The following HAT1 variants were observed in gnomAD, a reference collection of about 807,000 sequenced individuals.
The protein encoded by HAT1 is histone acetyltransferase type B catalytic subunit.
HAT1 carries 20 observed loss-of-function variants against 56.6 expected under a neutral mutation model. The observed-to-expected ratio is 0.35, with a 90% CI of 0.25 to 0.51. HAT1 has a LOEUF of 0.51. HAT1 is among the 20% of genes least tolerant of loss of function. The pLI, the probability that HAT1 is intolerant of heterozygous loss-of-function variation, is 0.95. For missense variants in HAT1, 408 were observed against 504.3 expected (o/e 0.81, Z 1.83); for synonymous variants, 146 against 165.5 (o/e 0.88, Z 0.91).
chr2:171,955,155 C>T (rs886830781), intron 4 of HAT1, among the ~76,000 whole-genome samples: 1 of 152,090 alleles, frequency 6.6e-6, no homozygotes, highest in African/African-American at 2.4e-5. Flanking sequence ...CCACAGGAAA[C>T]GAATACAGGT....
At chr2:171,977,754 G>A (rs564857701) in intron 9 of HAT1, among the ~76,000 whole-genome samples, 2 of 150,910 alleles carry the variant, frequency 1.3e-5, no homozygotes, top group South Asian at 4.2e-4. Flanking sequence ...TCCCAACTCT[G>A]CCACATCCTT....
At chr2:171,971,051 T>G (rs1476698114) in intron 8 of HAT1, among the ~76,000 whole-genome samples, 1 of 151,730 alleles carries the variant, frequency 6.6e-6, no homozygotes, top group Non-Finnish European at 1.5e-5. Context: ...ATAAAAAAAT[T>G]AGCCAGGCGT....
At chr2:171,933,429 C>A (rs575199791) in intron 2 of HAT1, among the ~76,000 whole-genome samples, 1 of 151,680 alleles carries the variant, frequency 6.6e-6, no homozygotes, top group South Asian at 2.1e-4. Flanking sequence ...CTTTCCTTTT[C>A]TAATACTAGC....
chr2:171,971,956 C>A (rs1687824989), intron 8 of HAT1, among the ~76,000 whole-genome samples: 1 of 152,106 alleles, frequency 6.6e-6, no homozygotes, highest in South Asian at 2.1e-4. Flanking sequence ...CACAGGAGTA[C>A]AGGGTCCCAA....
intron 2 of HAT1, among the ~76,000 whole-genome samples, chr2:171,937,073 G>C (rs777352027): frequency 7.0e-4 from 107 of 152,044 alleles, no homozygotes; most frequent in Non-Finnish European, 1.4e-3. Flanking sequence ...TTCCACCTCA[G>C]CCTCCTGAGT....
Position 171,950,261 on chromosome 2 carries a change from G to A in HAT1, c.189-2620G>A, listed in dbSNP as rs180849639. ...TTCTTGGCTCATTGCATCCTCTGCC[G>A]CCTCCCAGTTCAAGCGATTCTCATG... On this transcript the variant is annotated intron_variant, in intron 3 of 10. Transcript: ENST00000264108. Among the ~76,000 whole-genome samples, 133 of 151,122 alleles carry A rather than the reference G, an allele frequency of 8.8e-4. 2 individuals carry two copies. Among genetic ancestry groups the A allele is most frequent in the Admixed American group, 7.5e-3 (114 of 15,160 alleles).
At chr2:171,943,726 CATATAT>C (rs141557606) in intron 2 of HAT1, among the ~76,000 whole-genome samples, 22 of 143,012 alleles carry the variant, frequency 1.5e-4, no homozygotes, top group African/African-American at 3.6e-4. Context: ...TATGGACATT[CATATAT>C]ATATATATAT....
chr2:171,963,920 A>C (rs1316167054), intron 4 of HAT1, among the ~76,000 whole-genome samples: 1 of 152,196 alleles, frequency 6.6e-6, no homozygotes, highest in African/African-American at 2.4e-5. Context: ...ACATATTAGA[A>C]ATAAACTGTT....
intron 4 of HAT1, among the ~76,000 whole-genome samples, chr2:171,954,098 G>C (rs1334454364): frequency 1.3e-5 from 2 of 152,182 alleles, no homozygotes; most frequent in Non-Finnish European, 2.9e-5. Flanking sequence ...ATCCTGTTCT[G>C]TTTCCTGCAT....
At chr2:171,957,131 G>A (rs1282156487) in intron 4 of HAT1, among the ~76,000 whole-genome samples, 1 of 152,154 alleles carries the variant, frequency 6.6e-6, no homozygotes, top group Non-Finnish European at 1.5e-5. Flanking sequence ...GGATTGACAG[G>A]ACAAAATGAA....
chr2:171,946,710 C>A lies in HAT1; in HGVS notation c.115C>A (p.Arg39Ser), dbSNP rs183492276. The change falls in exon 3 of 11, where the codon CGT becomes AGT. Residue 39 changes from arginine (R) to serine (S), a missense_variant and splice_region_variant. Coordinates refer to ENST00000264108, the MANE Select transcript of HAT1 (RefSeq NM_003642.4). ...TNTAIELKLV[R>S]FPEDLENDIR... The stretch of plus-strand genomic sequence containing the variant: ...TATTTTTTTGTCCCTTGAAACAGTT[C>A]GTTTTCCTGAAGATCTTGAAAATGA... The A allele has an allele frequency of 6.4e-7, 1 of 1,560,570 alleles. No individual in the cohort carries two copies. The highest frequency in any genetic ancestry group is 1.1e-5 in the South Asian group (1 of 87,108).
chr2:171,929,482 T>C (rs1422052191), intron 2 of HAT1, among the ~76,000 whole-genome samples: 1 of 152,208 alleles, frequency 6.6e-6, no homozygotes, highest in Non-Finnish European at 1.5e-5. Flanking sequence ...TCATGTCCAG[T>C]TTATTAATTT....
intron 2 of HAT1, among the ~76,000 whole-genome samples, chr2:171,930,405 A>G (rs186390892): frequency 6.6e-6 from 1 of 152,212 alleles, no homozygotes; most frequent in Non-Finnish European, 1.5e-5. Flanking sequence ...TCTGGGTTCG[A>G]GTGATCTGCC....
chr2:171,979,317 G>A lies in HAT1; in HGVS notation c.1046G>A (p.Arg349Lys), dbSNP rs1299057876. 2 of 1,605,628 alleles carry A rather than the reference G, an allele frequency of 1.2e-6. No individual in the cohort carries two copies. Among genetic ancestry groups the A allele is most frequent in the Non-Finnish European group, 1.7e-6 (2 of 1,172,538 alleles). ...VTDMSDAEQYRSYRLDIKRRL... is the reference protein window; with the variant it reads ...VTDMSDAEQYKSYRLDIKRRL... ...GACATGAGTGATGCCGAACAATACA[G>A]AAGCTACAGACTGGATATTAAAAGA... is the stretch of plus-strand genomic sequence containing the variant. The change falls in exon 10 of 11, where the codon AGA (arginine) becomes AAA (lysine). Residue 349 changes from arginine (R) to lysine (K), a missense_variant. Coordinates refer to ENST00000264108, the MANE Select transcript of HAT1 (RefSeq NM_003642.4).
chr2:171,960,430 ATATAT>A (rs1469152442), intron 4 of HAT1, among the ~76,000 whole-genome samples: 1 of 152,206 alleles, frequency 6.6e-6, no homozygotes, highest in African/African-American at 2.4e-5. Context: ...TTTGAGTCTA[ATATAT>A]TAGGGCTTTG....
intron 4 of HAT1, among the ~76,000 whole-genome samples, chr2:171,955,502 T>C (rs573876427): frequency 6.6e-6 from 1 of 151,790 alleles, no homozygotes; most frequent in South Asian, 2.1e-4. Flanking sequence ...TCCCAGCAAC[T>C]TGGGGGGCTG....
At chr2:171,967,206 C>T (rs763059319) in intron 8 of HAT1, among the ~76,000 whole-genome samples, 1 of 151,974 alleles carries the variant, frequency 6.6e-6, no homozygotes, top group Non-Finnish European at 1.5e-5. Flanking sequence ...CTTGGTCAGG[C>T]GTAAATACGT....
At chr2:171,930,898 A>G (rs1009795394) in intron 2 of HAT1, among the ~76,000 whole-genome samples, 19 of 152,174 alleles carry the variant, frequency 1.2e-4, no homozygotes, top group African/African-American at 4.3e-4. Flanking sequence ...TGCAGACATA[A>G]GCCACCACAC....
chr2:171,975,024 T>A (rs1207559450), intron 8 of HAT1, among the ~76,000 whole-genome samples: 1 of 152,112 alleles, frequency 6.6e-6, no homozygotes, highest in African/African-American at 2.4e-5. Context: ...TGATTTGTAG[T>A]TTTTGTCTTA....
Sources: gnomAD v4.1 joint callset for allele counts (sites outside exome capture counted in the v4.1 genomes callset) on GRCh38, gnomAD v4.1.1 for gene constraint, MANE v1.5 for transcripts, NCBI Gene and HGNC (gene_info 2026-07-23, HGNC 2026-07-21) for gene names.